The following WNK3 variants were observed in gnomAD, a reference collection of about 807,000 sequenced individuals.
WNK3 encodes the protein serine/threonine-protein kinase WNK3.
In WNK3, 18 loss-of-function variants were observed where a neutral mutation model predicts 116.7. The observed-to-expected ratio is 0.15, with a 90% CI of 0.11 to 0.23. The LOEUF is 0.23. Ranked by LOEUF, WNK3 falls within the 10% of genes least tolerant of loss-of-function variation. The pLI, the probability that WNK3 is intolerant of heterozygous loss-of-function variation, is 1.00. For synonymous variants in WNK3, 404 were observed against 469.4 expected (o/e 0.86, Z 1.80); for missense variants, 993 against 1,323.8 (o/e 0.75, Z 3.88).
chrX:54,198,739 T>C (rs2067473521), intron 23 of WNK3, 86 bp from the exon 24 acceptor site: 2 of 711,497 alleles, frequency 2.8e-6, no homozygotes, highest in Non-Finnish European at 2.0e-6. Flanking sequence ...TCTTTTTTTT[T>C]CTATTGCTGC....
chrX:54,308,462 T>A (rs1292425706), intron 4 of WNK3, among the ~76,000 whole-genome samples: 6 of 111,837 alleles, frequency 5.4e-5, no homozygotes, highest in African/African-American at 1.9e-4. Context: ...AGTGCTGGGA[T>A]TACAGGCGTG....
intron 11 of WNK3, among the ~76,000 whole-genome samples, chrX:54,258,585 C>T (rs1186006060): frequency 1.8e-5 from 2 of 110,006 alleles, no homozygotes; most frequent in African/African-American, 6.6e-5. Flanking sequence ...CTGCCTGCCT[C>T]AGCCTCCCAA....
intron 6 of WNK3, among the ~76,000 whole-genome samples, chrX:54,300,107 G>C (rs1483454995): frequency 2.7e-5 from 3 of 111,064 alleles, no homozygotes; most frequent in African/African-American, 9.8e-5. Flanking sequence ...TGATCTGCCC[G>C]CCTCAGCCTC....
At chrX:54,296,506 T>C (rs1404426956) in intron 7 of WNK3, among the ~76,000 whole-genome samples, 2 of 110,678 alleles carry the variant, frequency 1.8e-5, no homozygotes, top group Non-Finnish European at 3.8e-5. Flanking sequence ...CCTGAAGACA[T>C]GGGATTCAGG....
At chrX:54,346,144 G>A (rs868995262) in intron 1 of WNK3, among the ~76,000 whole-genome samples, 1 of 92,284 alleles carries the variant, frequency 1.1e-5, no homozygotes, top group African/African-American at 4.0e-5. Flanking sequence ...ATATATATAT[G>A]TTGTGTTTAT....
At chrX:54,303,701 C>A (rs2068792485) in intron 5 of WNK3, among the ~76,000 whole-genome samples, 1 of 109,767 alleles carries the variant, frequency 9.1e-6, no homozygotes. Flanking sequence ...AAAAAATAGA[C>A]CTATTAAAAC....
intron 1 of WNK3, 68 bp from the exon 2 acceptor site, chrX:54,333,860 A>C (rs1603400138): frequency 2.4e-6 from 1 of 409,152 alleles, no homozygotes; most frequent in Non-Finnish European, 4.2e-6. Flanking sequence ...AAAACAAATC[A>C]CCTGATTTTT....
intron 10 of WNK3, among the ~76,000 whole-genome samples, chrX:54,285,243 TA>T: frequency 9.1e-6 from 1 of 109,926 alleles, no homozygotes; most frequent in East Asian, 2.9e-4. Context: ...CCCGTCTCTA[TA>T]AAAAAATCAA....
intron 1 of WNK3, among the ~76,000 whole-genome samples, chrX:54,356,532 C>G (rs1028399465): frequency 5.4e-5 from 6 of 111,156 alleles, no homozygotes; most frequent in African/African-American, 2.0e-4. Flanking sequence ...CTTGAGCTGT[C>G]GAGTTTAAAC....
Position 54,349,780 on chromosome X carries a change from A to AG in WNK3, c.-120+7905dup, listed in dbSNP as rs782186459. Among the ~76,000 whole-genome samples, 8 of 111,801 alleles carry AG rather than the reference A, an allele frequency of 7.2e-5. No individual in the cohort carries two copies. In the South Asian group the frequency reaches 3.0e-3, roughly 42 times the overall value. On this transcript the variant is annotated intron_variant, in intron 1 of 23. Coordinates refer to ENST00000354646, the Ensembl canonical transcript of WNK3. ...AGCTGGCATGGTGGCATGGGACACTAGGCCAGGAGAATCTTGTGAGCCTTA... is the reference window on the plus strand; with the variant it reads ...AGCTGGCATGGTGGCATGGGACACTAGGGCCAGGAGAATCTTGTGAGCCTTA...
intron 1 of WNK3, among the ~76,000 whole-genome samples, chrX:54,353,937 C>A (rs1285390515): frequency 1.8e-5 from 2 of 108,664 alleles, no homozygotes; most frequent in Admixed American, 2.0e-4. Flanking sequence ...CAAAAATTAG[C>A]CAGGCGTGGT....
intron 17 of WNK3, among the ~76,000 whole-genome samples, chrX:54,242,671 G>T (rs1252594091): frequency 8.9e-6 from 1 of 112,126 alleles, no homozygotes; most frequent in African/African-American, 3.2e-5. Flanking sequence ...ACCATTAAAT[G>T]GGGGAAAGAA....
chrX:54,197,386 C>T (rs1267690506), exon 24 of WNK3: 14 of 111,737 alleles, frequency 1.3e-4, no homozygotes, highest in Admixed American at 6.7e-4. Flanking sequence ...TCTGTCTCAC[C>T]CAAAACAAGG....
intron 3 of WNK3, among the ~76,000 whole-genome samples, chrX:54,309,665 T>A (rs1307263859): frequency 9.0e-6 from 1 of 111,375 alleles, no homozygotes; most frequent in Non-Finnish European, 1.9e-5. Context: ...CCCAAGTAAC[T>A]GGGACTACAG....
chrX:54,268,465 C>T (rs1455081806), intron 10 of WNK3, among the ~76,000 whole-genome samples: 3 of 111,167 alleles, frequency 2.7e-5, no homozygotes, highest in African/African-American at 9.8e-5. Flanking sequence ...TGGCACTCCA[C>T]CTTGAGTGAC....
chrX:54,272,801 C>T (rs1443307907), intron 10 of WNK3, among the ~76,000 whole-genome samples: 1 of 111,799 alleles, frequency 8.9e-6, no homozygotes, highest in African/African-American at 3.3e-5. Context: ...TAAAACATAC[C>T]ATGGCTAGAA....
chrX:54,299,766 A>G (rs66752337), intron 6 of WNK3, among the ~76,000 whole-genome samples: 13,100 of 110,613 alleles, frequency 0.12, 1,425 homozygotes, highest in African/African-American at 0.34. Flanking sequence ...CTGCTTCCCA[A>G]TAAAAATTTT....
chrX:54,307,723 TA>T (rs1381445691), intron 5 of WNK3, among the ~76,000 whole-genome samples, 198 bp downstream of exon 5: 1 of 111,470 alleles, frequency 9.0e-6, no homozygotes, highest in African/African-American at 3.3e-5. Flanking sequence ...TTCCCAAAGA[TA>T]CTAATACAGA....
At chrX:54,343,336 G>A (rs1162292630) in intron 1 of WNK3, among the ~76,000 whole-genome samples, 3 of 110,080 alleles carry the variant, frequency 2.7e-5, no homozygotes, top group Admixed American at 2.0e-4. Context: ...ATGAAACCCC[G>A]TCTTTACTAA....
Sources: allele counts gnomAD v4.1 joint callset (sites outside exome capture counted in the v4.1 genomes callset), GRCh38; gene constraint gnomAD v4.1.1; transcripts MANE v1.5; gene names NCBI Gene and HGNC (gene_info 2026-07-23, HGNC 2026-07-21).